Variants in FOXP1 observed in about 807,000 individuals in gnomAD.
The protein encoded by FOXP1 is forkhead box P1, also known as forkhead box protein P1.
In FOXP1, 15 loss-of-function variants were observed where a neutral mutation model predicts 98.2. The ratio of observed to expected loss-of-function variants is 0.15; its 90% CI spans 0.10 to 0.24. FOXP1 has a LOEUF of 0.24. Among genes scored for constraint, FOXP1 ranks in the 10% least tolerant of loss-of-function variants. The pLI is 1.00. For missense variants in FOXP1, 633 were observed against 848.5 expected, an observed-to-expected ratio of 0.75 and a Z score of 3.15; for synonymous variants, 371 against 314.5, an observed-to-expected ratio of 1.18 and a Z score of -1.90.
At chr3:71,232,727 T>C (rs949852144) in intron 5 of FOXP1, among the ~76,000 whole-genome samples, 4 of 151,436 alleles carry the variant, frequency 2.6e-5, no homozygotes, top group African/African-American at 9.7e-5. Context: ...GGTAAAACCC[T>C]GTGTCTACCA....
chr3:70,961,149 T>C (rs1454240544), intron 20 of FOXP1, among the ~76,000 whole-genome samples: 1 of 150,186 alleles, frequency 6.7e-6, no homozygotes, highest in Non-Finnish European at 1.5e-5. Flanking sequence ...AAATAATTTC[T>C]TTATTCTTAA....
intron 4 of FOXP1, among the ~76,000 whole-genome samples, chr3:71,346,018 CAGACTG>C (rs1214622473): frequency 6.6e-6 from 1 of 151,968 alleles, no homozygotes; most frequent in East Asian, 1.9e-4. Context: ...ACTAAACTCT[CAGACTG>C]AGAAGGCAAA....
rs1007853599 is a variant in FOXP1 at position 70,955,217 on chromosome 3, A to T, written c.*4030T>A. On this transcript the variant is annotated 3_prime_UTR_variant, in exon 21 of 21. Transcript: ENST00000649528. ...AAGAGAGGAAATATTTTTTAACTCT[A>T]TTTTTTTTCATGAGGAAAAAAAAGC... is the stretch of plus-strand genomic sequence containing the variant. 2 of 231,830 alleles carry T rather than the reference A, an allele frequency of 8.6e-6. No individual in the cohort carries two copies. Among genetic ancestry groups the T allele is most frequent in the East Asian group, 1.2e-4 (2 of 16,470 alleles). 14.4% of individuals were successfully genotyped at this position (231,830 alleles called of 1,614,324 possible). A position where few individuals can be genotyped will look rare whatever the true frequency, so the allele number is the denominator to read the frequency against.
At chr3:71,537,133 TA>T (rs1171244420) in intron 2 of FOXP1, among the ~76,000 whole-genome samples, 1 of 152,152 alleles carries the variant, frequency 6.6e-6, no homozygotes, top group Non-Finnish European at 1.5e-5. Flanking sequence ...GCCTGGGTAC[TA>T]AATGAAACAA....
rs73096832 is a variant in FOXP1, at chr3:71,569,542, T to C, written c.-298+12007A>G. The stretch of plus-strand genomic sequence containing the variant: ...AGTTGTATTATACTGGAAAATACTC[T>C]GCTACAGAGTGAAAGAACAGCATGT... On this transcript the variant is annotated intron_variant, in intron 2 of 20. Transcript: ENST00000649528. Among the ~76,000 whole-genome samples, 753 of 152,288 alleles carry C rather than the reference T, an allele frequency of 4.9e-3. 3 individuals carry two copies. The highest frequency in any genetic ancestry group is 8.6e-3 in the Non-Finnish European group (582 of 68,020).
chr3:71,377,218 T>C (rs1424175592), intron 3 of FOXP1, among the ~76,000 whole-genome samples: 1 of 152,224 alleles, frequency 6.6e-6, no homozygotes, highest in Non-Finnish European at 1.5e-5. Flanking sequence ...GGGAAAATTA[T>C]TTTAAACTGA....
intron 3 of FOXP1, among the ~76,000 whole-genome samples, chr3:71,485,507 G>A (rs1431832911): frequency 2.6e-5 from 4 of 152,162 alleles, no homozygotes; most frequent in Non-Finnish European, 5.9e-5. Flanking sequence ...GATGGCTCAC[G>A]CCTGTAATCC....
chr3:71,104,521 C>A (rs1243531705), intron 7 of FOXP1, among the ~76,000 whole-genome samples: 1 of 152,064 alleles, frequency 6.6e-6, no homozygotes. Flanking sequence ...CACACTTAGT[C>A]CTGGGGACTT....
intron 6 of FOXP1, among the ~76,000 whole-genome samples, chr3:71,183,995 A>G (rs140774065): frequency 2.3e-4 from 35 of 152,278 alleles, no homozygotes; most frequent in African/African-American, 8.4e-4. Flanking sequence ...TCTACTAAAA[A>G]TAAAAAATTA....
At chr3:71,275,155 A>G (rs765918837) in intron 5 of FOXP1, among the ~76,000 whole-genome samples, 14 of 152,132 alleles carry the variant, frequency 9.2e-5, no homozygotes, top group Non-Finnish European at 2.1e-4. Context: ...TCCAAATACT[A>G]TTCTATTTAC....
intron 3 of FOXP1, among the ~76,000 whole-genome samples, chr3:71,385,596 T>C (rs1175250145): frequency 6.6e-6 from 1 of 152,118 alleles, no homozygotes; most frequent in Non-Finnish European, 1.5e-5. Flanking sequence ...TGCTCATGAA[T>C]AAGATACATA....
chr3:71,057,145 T>C (rs1223411984), intron 7 of FOXP1, among the ~76,000 whole-genome samples: 4 of 152,144 alleles, frequency 2.6e-5, no homozygotes, highest in Non-Finnish European at 5.9e-5. Flanking sequence ...CTGAGAAATA[T>C]GGCCAAAGCT....
intron 7 of FOXP1, among the ~76,000 whole-genome samples, chr3:71,067,731 T>TACACACACACACACACACACACACACAC (rs6147878): frequency 1.1e-4 from 14 of 126,516 alleles, no homozygotes; most frequent in South Asian, 8.4e-4. Flanking sequence ...TCTCCAAAAA[T>TACACACACACACACACACACACACACAC]ACACACACAC....
At chr3:71,091,824 C>T (rs1273408563) in intron 7 of FOXP1, among the ~76,000 whole-genome samples, 3 of 152,114 alleles carry the variant, frequency 2.0e-5, no homozygotes, top group Non-Finnish European at 4.4e-5. Context: ...ATGAGAAACA[C>T]AACTGTAATC....
At chr3:71,406,608 C>T (rs2082366622) in intron 3 of FOXP1, among the ~76,000 whole-genome samples, 1 of 151,670 alleles carries the variant, frequency 6.6e-6, no homozygotes, top group Admixed American at 6.6e-5. Flanking sequence ...CGCCGAGATA[C>T]TCCAAGATAA....
intron 11 of FOXP1, among the ~76,000 whole-genome samples, chr3:71,025,474 G>A (rs540061924): frequency 5.3e-5 from 8 of 152,218 alleles, no homozygotes; most frequent in African/African-American, 1.7e-4. Context: ...CAGTCACAAG[G>A]ATGCCCTCTT....
intron 3 of FOXP1, among the ~76,000 whole-genome samples, chr3:71,431,673 A>C (rs956978160): frequency 9.2e-5 from 14 of 152,336 alleles, no homozygotes; most frequent in African/African-American, 3.4e-4. Flanking sequence ...TATTTGCTAA[A>C]GTTAATAGAA....
At chr3:71,480,739 G>A (rs1044952638) in intron 3 of FOXP1, among the ~76,000 whole-genome samples, 2 of 152,156 alleles carry the variant, frequency 1.3e-5, no homozygotes, top group African/African-American at 2.4e-5. Context: ...TTGTCAAGTA[G>A]AAGAGATGGG....
In FOXP1 at chr3:70,971,410, G is replaced by A. The variant is rs552918977; in HGVS notation, c.1653-605C>T. 2.3e-4 allele frequency: 35 copies of A among 155,384 alleles called. No individual in the cohort carries two copies. The East Asian group carries it at 2.5e-3, about 11-fold the overall frequency. 9.6% of individuals were successfully genotyped at this position (155,384 alleles called of 1,614,324 possible). On this transcript the variant is annotated intron_variant, in intron 18 of 20. Coordinates refer to ENST00000649528, the MANE Select transcript of FOXP1 (RefSeq NM_001349338.3). Reference sequence around the variant, plus strand: ...AATATTTGCTGCCATCTCCATTCACGGACCAAATGAAACTAACATACTGTT... The same window carrying A: ...AATATTTGCTGCCATCTCCATTCACAGACCAAATGAAACTAACATACTGTT...
Sources: allele counts gnomAD v4.1 joint callset (sites outside exome capture counted in the v4.1 genomes callset), GRCh38; gene constraint gnomAD v4.1.1; transcripts MANE v1.5; gene names NCBI Gene and HGNC (gene_info 2026-07-23, HGNC 2026-07-21).